Variants in CFAP91 observed in about 807,000 individuals in gnomAD.
CFAP91 encodes cilia- and flagella-associated protein 91.
CFAP91 carries 85 observed loss-of-function variants against 95.9 expected under a neutral mutation model. That is an observed-to-expected ratio of 0.89 (90% CI 0.74 to 1.06). The LOEUF is 1.06. Ranked by LOEUF, CFAP91 falls within the 50% of genes least tolerant of loss-of-function variation. The pLI is 0.00. For missense variants in CFAP91, 962 were observed against 943.4 expected, an observed-to-expected ratio of 1.02 and a Z score of -0.26; for synonymous variants, 335 against 327.5, an observed-to-expected ratio of 1.02 and a Z score of -0.25.
At position 119,726,335 on chromosome 3, in the gene CFAP91, C is replaced by A; in HGVS notation, c.847C>A (p.Gln283Lys). The A allele has an allele frequency of 6.2e-7, 1 of 1,610,822 alleles. No homozygotes were observed. The change falls in exon 7 of 18, where the codon CAG becomes AAG. Residue 283 changes from glutamine (Q) to lysine (K), a missense_variant. By Grantham distance (53) the Gln-to-Lys change is moderately conservative. Coordinates refer to ENST00000273390, the MANE Select transcript of CFAP91 (RefSeq NM_033364.4). ...MERKEWAFRE[Q>K]EIEKLQEIRL... ...GAGGAAGGAGTGGGCCTTCAGAGAGCAGGAGATTGAAAAGTAGGTTCTCTA... is the reference window on the plus strand; with the variant it reads ...GAGGAAGGAGTGGGCCTTCAGAGAGAAGGAGATTGAAAAGTAGGTTCTCTA...
intron 9 of CFAP91, 78 bp from the exon 10 acceptor site, chr3:119,733,286 C>A (rs2053937777): frequency 2.0e-6 from 3 of 1,477,994 alleles, no homozygotes; most frequent in East Asian, 4.6e-5. Flanking sequence ...TGGCAAACAG[C>A]TACAAAAGTT....
intron 6 of CFAP91, among the ~76,000 whole-genome samples, chr3:119,720,078 T>C (rs909235130): frequency 5.7e-5 from 7 of 122,540 alleles, no homozygotes; most frequent in African/African-American, 2.2e-4. Context: ...CCGTCTCAAA[T>C]ACATAAATCA....
At chr3:119,751,998 AG>A (rs2054334864) in intron 17 of CFAP91, among the ~76,000 whole-genome samples, 1 of 152,244 alleles carries the variant, frequency 6.6e-6, no homozygotes, top group Non-Finnish European at 1.5e-5. Context: ...CAAATTGCTT[AG>A]TAACACAGTT....
chr3:119,730,462 T>C, intron 8 of CFAP91, 85 bp downstream of exon 8: 2 of 1,389,200 alleles, frequency 1.4e-6, no homozygotes, highest in East Asian at 4.7e-5. Context: ...AACTATGATA[T>C]AATTCTGTTT....
chr3:119,750,157 C>T (rs2054299395), intron 16 of CFAP91: 1 of 152,204 alleles, frequency 6.6e-6, no homozygotes, highest in African/African-American at 2.4e-5. Flanking sequence ...AAAGAATCCA[C>T]AGTACTTCTT....
rs889959825 is a variant in CFAP91, at chr3:119,706,692, A to G, written c.125-117A>G. On this transcript the variant is annotated intron_variant, in intron 1 of 17. Transcript: ENST00000273390. ...AGCATGAGCTGCTGCAGAGTCAGAC[A>G]ATATTTAAACTTTTAAATTTGTTTT... 5.3e-6 allele frequency: 4 copies of G among 752,856 alleles called. No homozygotes were observed. In the African/African-American group the frequency reaches 6.9e-5, roughly 13 times the overall value. 46.6% of individuals were successfully genotyped at this position (752,856 alleles called of 1,614,324 possible).
At chr3:119,703,421 G>C in intron 1 of CFAP91, 199 bp downstream of exon 1, 1 of 758,708 alleles carries the variant, frequency 1.3e-6, no homozygotes, top group South Asian at 1.8e-5. Flanking sequence ...TCGGGGGTTC[G>C]GGTACATCGA....
chr3:119,704,790 C>A (rs1319158465), intron 1 of CFAP91, among the ~76,000 whole-genome samples: 2 of 152,304 alleles, frequency 1.3e-5, no homozygotes, highest in African/African-American at 2.4e-5. Context: ...TTGAAAAACT[C>A]CAATTACTTC....
At chr3:119,757,237 T>G (rs1204087785) in intron 17 of CFAP91, among the ~76,000 whole-genome samples, 1 of 152,176 alleles carries the variant, frequency 6.6e-6, no homozygotes, top group Non-Finnish European at 1.5e-5. Flanking sequence ...TCCCCCTAAA[T>G]GTAGCAAAAT....
At chr3:119,753,048 T>C (rs1172625387) in intron 17 of CFAP91, among the ~76,000 whole-genome samples, 3 of 152,134 alleles carry the variant, frequency 2.0e-5, no homozygotes, top group Non-Finnish European at 4.4e-5. Flanking sequence ...TTAAAATACA[T>C]ATTTAAAAAT....
chr3:119,720,314 G>C (rs1291432908), intron 6 of CFAP91, among the ~76,000 whole-genome samples: 1 of 150,436 alleles, frequency 6.6e-6, no homozygotes, highest in African/African-American at 2.4e-5. Context: ...GGAGAATGGC[G>C]TGAACCCGGG....
intron 4 of CFAP91, among the ~76,000 whole-genome samples, 175 bp from the exon 5 acceptor site, chr3:119,709,664 G>T (rs1033082356): frequency 4.6e-5 from 7 of 152,172 alleles, no homozygotes; most frequent in Non-Finnish European, 1.0e-4. Context: ...CTGCATTTTA[G>T]ACAAGAACCT....
At chr3:119,708,752 A>T in intron 4 of CFAP91, 78 bp downstream of exon 4, 1 of 876,248 alleles carries the variant, frequency 1.1e-6, no homozygotes, top group Non-Finnish European at 1.8e-6. Flanking sequence ...AATAGTTATC[A>T]TTTTTCAGTG....
intron 5 of CFAP91, among the ~76,000 whole-genome samples, chr3:119,714,659 C>T (rs1033732132): frequency 6.6e-6 from 1 of 152,042 alleles, no homozygotes; most frequent in Admixed American, 6.6e-5. Context: ...ACTCATTTTT[C>T]CATGGGGTAT....
chr3:119,722,104 A>G (rs904464778), intron 6 of CFAP91, among the ~76,000 whole-genome samples: 1 of 150,884 alleles, frequency 6.6e-6, no homozygotes, highest in Admixed American at 6.6e-5. Context: ...CAGGGGTTCA[A>G]GGTTACAGTG....
At chr3:119,738,332 CTTTTTTTTTTTTTT>C (rs556125660) in intron 11 of CFAP91, among the ~76,000 whole-genome samples, 247 of 23,078 alleles carry the variant, frequency 0.011, 8 homozygotes, top group South Asian at 0.02. Context: ...GACATATTGT[CTTTTTTTTTTTTTT>C]TTTTTTTTTT....
At chr3:119,761,403 A>G (rs1430370670) in intron 17 of CFAP91, among the ~76,000 whole-genome samples, 2 of 151,870 alleles carry the variant, frequency 1.3e-5, no homozygotes, top group Non-Finnish European at 1.5e-5. Flanking sequence ...GGCAGGACCC[A>G]ATGGCTTCAC....
At chr3:119,729,949 C>T (rs2053862063) in intron 7 of CFAP91, among the ~76,000 whole-genome samples, 1 of 152,190 alleles carries the variant, frequency 6.6e-6, no homozygotes. Context: ...GCCCACCTGC[C>T]TAGAGAGCCC....
chr3:119,727,955 C>T (rs2053816402), intron 7 of CFAP91, among the ~76,000 whole-genome samples: 1 of 151,892 alleles, frequency 6.6e-6, no homozygotes. Flanking sequence ...TCTGCCTGCC[C>T]CTTCCTGCCC....
Sources: allele counts gnomAD v4.1 joint callset (sites outside exome capture counted in the v4.1 genomes callset), GRCh38; gene constraint gnomAD v4.1.1; transcripts MANE v1.5; gene names NCBI Gene and HGNC (gene_info 2026-07-23, HGNC 2026-07-21).